Variants in HDAC3 observed in about 807,000 individuals in gnomAD.
HDAC3 encodes the protein SMAP45.
HDAC3 carries 21 observed loss-of-function variants against 62.3 expected under a neutral mutation model. That is an observed-to-expected ratio of 0.34 (90% CI 0.24 to 0.49). The LOEUF (loss-of-function observed/expected upper bound fraction) is 0.49. Among genes scored for constraint, HDAC3 ranks in the 20% least tolerant of loss-of-function variants. The pLI, the probability that HDAC3 is intolerant of heterozygous loss-of-function variation, is 0.99. For missense variants in HDAC3, 270 were observed against 556.9 expected (o/e 0.48, Z 5.19); for synonymous variants, 198 against 206.5 (o/e 0.96, Z 0.35).
At position 141,621,453 on chromosome 5, in the gene HDAC3, C is replaced by T. The variant is rs766069330; in HGVS notation, c.*15G>A. ...TGAAAAGAAATTCCTTGGGACACAG[C>T]ATCCCAAGCCACTCTTAAATCTCCA... On this transcript the variant is annotated 3_prime_UTR_variant, in exon 15 of 15. Coordinates refer to ENST00000305264, the MANE Select transcript of HDAC3 (RefSeq NM_003883.4). The T allele has an allele frequency of 1.2e-6, 2 of 1,610,874 alleles. No homozygotes were observed. The highest frequency in any genetic ancestry group is 1.7e-6 in the Non-Finnish European group (2 of 1,177,040).
chr5:141,621,379 C>G lies in HDAC3; in HGVS notation c.*89G>C. ...GAGTCAGCAAAAGCCCTGGGGTGACCCCCAGGACTCTAGGAGCCACTCCTT... is the reference window on the plus strand; with the variant it reads ...GAGTCAGCAAAAGCCCTGGGGTGACGCCCAGGACTCTAGGAGCCACTCCTT... On this transcript the variant is annotated 3_prime_UTR_variant, in exon 15 of 15. Transcript: ENST00000305264. 8.1e-7 allele frequency: 1 copy of G among 1,227,654 alleles called. No homozygotes were observed. The highest frequency in any genetic ancestry group is 1.2e-6 in the Non-Finnish European group (1 of 830,340). The allele number at this position is 1,227,654 out of a possible 1,614,324, so 76.0% of individuals were successfully genotyped here. A position where few individuals can be genotyped will look rare whatever the true frequency, so the allele number is the denominator to read the frequency against.
chr5:141,623,383 CAG>C (rs1320348646), intron 14 of HDAC3, among the ~76,000 whole-genome samples: 2 of 152,206 alleles, frequency 1.3e-5, no homozygotes, highest in Admixed American at 6.5e-5. Context: ...GGTGGCCTGA[CAG>C]AGAGGTAGGG....
chr5:141,635,274 C>G (rs1165209494), intron 2 of HDAC3: 3 of 231,372 alleles, frequency 1.3e-5, no homozygotes, highest in Non-Finnish European at 2.5e-5. Flanking sequence ...CCCCCAAGCT[C>G]TGATTCTGTC....
chr5:141,634,227 T>G (rs2154598048), intron 3 of HDAC3, among the ~76,000 whole-genome samples: 1 of 152,294 alleles, frequency 6.6e-6, no homozygotes, highest in Non-Finnish European at 1.5e-5. Flanking sequence ...ACTCTACGGG[T>G]AAAAACCCCA....
Position 141,629,650 on chromosome 5 carries a change from C to T in HDAC3, c.476+34G>A, listed in dbSNP as rs768869849. 7 of 1,608,358 alleles carry T rather than the reference C, an allele frequency of 4.4e-6. No individual in the cohort carries two copies. The highest frequency in any genetic ancestry group is 2.2e-5 in the East Asian group (1 of 44,862). ...GAGAGACCTCCTCAGCCAAGAATCC[C>T]GTAACTGCCCCCATCTCCTCCTGGG... On this transcript the variant is annotated intron_variant, in intron 6 of 14. Transcript: ENST00000305264. This position sits in a 1 kb window ranked among gnomAD's most constrained non-coding sequence, Gnocchi z 5.3.
chr5:141,629,025 G>T lies in HDAC3; in HGVS notation c.610+148C>A. 1 of 722,872 alleles carries T rather than the reference G, an allele frequency of 1.4e-6. No homozygotes were observed. Among genetic ancestry groups the T allele is most frequent in the Non-Finnish European group, 2.3e-6 (1 of 433,260 alleles). 44.8% of individuals were successfully genotyped at this position (722,872 alleles called of 1,614,324 possible). ...ATGAGGCTGATGTAACAGAGGAATG[G>T]GGAAGGAGGTGATTATGATAACTGG... On this transcript the variant is annotated intron_variant, in intron 7 of 14. Coordinates refer to ENST00000305264, the MANE Select transcript of HDAC3 (RefSeq NM_003883.4). The surrounding 1 kb of genome is among the most constrained non-coding windows in gnomAD (Gnocchi z 5.3).
chr5:141,629,142 G>A lies in HDAC3; in HGVS notation c.610+31C>T. The A allele has an allele frequency of 1.2e-6, 2 of 1,612,446 alleles. No homozygotes were observed. Among genetic ancestry groups the A allele is most frequent in the Non-Finnish European group, 1.7e-6 (2 of 1,178,896 alleles). On this transcript the variant is annotated intron_variant, in intron 7 of 14. Coordinates refer to ENST00000305264, the MANE Select transcript of HDAC3 (RefSeq NM_003883.4). The surrounding 1 kb of genome is among the most constrained non-coding windows in gnomAD (Gnocchi z 5.3). ...CACTCATAGTAAAGAGCTGAAGGGT[G>A]CAAAGGGGAAAGTAATCCCTATTCC...
rs1271886312 is a variant in HDAC3, at chr5:141,621,298, G to C, written c.*170C>G. ...TACCATTGTCAGGCCTTGGGAGAGA[G>C]AGGAAAAGCAGGTAGATGGTTCGAG... On this transcript the variant is annotated 3_prime_UTR_variant, in exon 15 of 15. Coordinates refer to ENST00000305264, the MANE Select transcript of HDAC3 (RefSeq NM_003883.4). The C allele has an allele frequency of 4.6e-6, 3 of 647,552 alleles. No homozygotes were observed. Among genetic ancestry groups the C allele is most frequent in the African/African-American group, 3.7e-5 (2 of 54,074 alleles). The allele number at this position is 647,552 out of a possible 1,614,324, so 40.1% of individuals were successfully genotyped here. A position where few individuals can be genotyped will look rare whatever the true frequency, so the allele number is the denominator to read the frequency against.
rs2099904370 is a variant in HDAC3, at chr5:141,625,884, C to T, written c.980-120G>A. On this transcript the variant is annotated intron_variant, in intron 12 of 14. Transcript: ENST00000305264. The surrounding 1 kb of genome is among the most constrained non-coding windows in gnomAD (Gnocchi z 4.0). Reference sequence around the variant, plus strand: ...ATAGCTGCCCAATCTCTTCCCTGCTCTGAGCCCAGGGGTTTAGTCTGCAGA... The same window carrying T: ...ATAGCTGCCCAATCTCTTCCCTGCTTTGAGCCCAGGGGTTTAGTCTGCAGA... 2 of 1,301,296 alleles carry T rather than the reference C, an allele frequency of 1.5e-6. No individual in the cohort carries two copies. The highest frequency in any genetic ancestry group is 1.7e-5 in the Admixed American group (1 of 58,502). The allele number at this position is 1,301,296 out of a possible 1,614,324, so 80.6% of individuals were successfully genotyped here.
intron 14 of HDAC3, among the ~76,000 whole-genome samples, chr5:141,623,270 G>A (rs570010638): frequency 5.3e-5 from 8 of 152,248 alleles, no homozygotes; most frequent in Non-Finnish European, 8.8e-5. Context: ...GTAGTGTCTG[G>A]TGCTTGGCAA....
intron 3 of HDAC3, among the ~76,000 whole-genome samples, chr5:141,630,849 C>CTT (rs1174933606): frequency 2.0e-4 from 27 of 135,662 alleles, no homozygotes; most frequent in African/African-American, 2.7e-4. Context: ...ACCTTGATAC[C>CTT]TTTTTTTTTT....
rs537083916 is a variant in HDAC3, at chr5:141,626,493, C to A, written c.831-210G>T. 6 of 558,194 alleles carry A rather than the reference C, an allele frequency of 1.1e-5. No individual in the cohort carries two copies. Among genetic ancestry groups the A allele is most frequent in the East Asian group, 3.2e-5 (1 of 31,324 alleles). 34.6% of individuals were successfully genotyped at this position (558,194 alleles called of 1,614,324 possible). ...AATTTTAAAATAAAGCACAGTCCCC[C>A]CTCTGTTCTGCTCAACACCCTCCCT... On this transcript the variant is annotated intron_variant, in intron 10 of 14. Coordinates refer to ENST00000305264, the MANE Select transcript of HDAC3 (RefSeq NM_003883.4). This position sits in a 1 kb window ranked among gnomAD's most constrained non-coding sequence, Gnocchi z 4.6.
intron 3 of HDAC3, among the ~76,000 whole-genome samples, chr5:141,631,862 A>G (rs1455990035): frequency 6.6e-6 from 1 of 152,204 alleles, no homozygotes; most frequent in African/African-American, 2.4e-5. Flanking sequence ...TACCTAGTAT[A>G]TAACAGGTAT....
In HDAC3 at chr5:141,625,208, C is replaced by A; in HGVS notation, c.1217G>T (p.Arg406Met). 1 of 1,601,598 alleles carries A rather than the reference C, an allele frequency of 6.2e-7. No homozygotes were observed. Among genetic ancestry groups the A allele is most frequent in the Non-Finnish European group, 8.5e-7 (1 of 1,176,580 alleles). The change falls in exon 14 of 15, where the codon AGG (arginine) becomes ATG (methionine). Residue 406 changes from arginine (R) to methionine (M), a missense_variant and splice_region_variant. Coordinates refer to ENST00000305264, the MANE Select transcript of HDAC3 (RefSeq NM_003883.4). This position sits in a 1 kb window ranked among gnomAD's most constrained non-coding sequence, Gnocchi z 4.0. ...EERGPEENYS[R>M]PEAPNEFYDG... is the part of the protein sequence containing the mutation. ...TAGGCTGAAGTCCCTGCTCCCAGAC[C>A]TGCTATAGTTCTCCTCAGGACCCCT...
Position 141,625,093 on chromosome 5 carries a change from A to G in HDAC3, c.1217+115T>C. 1 of 914,310 alleles carries G rather than the reference A, an allele frequency of 1.1e-6. No individual in the cohort carries two copies. The highest frequency in any genetic ancestry group is 1.6e-6 in the Non-Finnish European group (1 of 610,860). 56.6% of individuals were successfully genotyped at this position (914,310 alleles called of 1,614,324 possible). A position where few individuals can be genotyped will look rare whatever the true frequency, so the allele number is the denominator to read the frequency against. Reference sequence around the variant, plus strand: ...AAGAAAAGAGTGAGGAAATTGTAGCAGACTAAAGGAGGTAAGCCAGAGGCA... The same window carrying G: ...AAGAAAAGAGTGAGGAAATTGTAGCGGACTAAAGGAGGTAAGCCAGAGGCA... On this transcript the variant is annotated intron_variant, in intron 14 of 14. Transcript: ENST00000305264. This position sits in a 1 kb window ranked among gnomAD's most constrained non-coding sequence, Gnocchi z 4.0.
At chr5:141,624,129 G>C (rs1238568263) in intron 14 of HDAC3, among the ~76,000 whole-genome samples, 1 of 150,876 alleles carries the variant, frequency 6.6e-6, no homozygotes, top group Admixed American at 6.6e-5. Flanking sequence ...GAGCCTTAGA[G>C]AGTATTACGC....
At position 141,629,067 on chromosome 5, in the gene HDAC3, T is replaced by G; in HGVS notation, c.610+106A>C. On this transcript the variant is annotated intron_variant, in intron 7 of 14. Transcript: ENST00000305264. This position sits in a 1 kb window ranked among gnomAD's most constrained non-coding sequence, Gnocchi z 5.3. ...GATAACTGGAGTGGTAAGGAAAGGC[T>G]TCTCTGAGGAGGGGACACCTGAGAT... 1 of 1,171,310 alleles carries G rather than the reference T, an allele frequency of 8.5e-7. No homozygotes were observed. The highest frequency in any genetic ancestry group is 1.2e-6 in the Non-Finnish European group (1 of 819,586). The allele number at this position is 1,171,310 out of a possible 1,614,324, so 72.6% of individuals were successfully genotyped here.
At chr5:141,635,073 C>T (rs950311468) in intron 2 of HDAC3, 120 bp from the exon 3 acceptor site, 4 of 980,100 alleles carry the variant, frequency 4.1e-6, no homozygotes, top group African/African-American at 3.3e-5. Context: ...TTCCCCTCAT[C>T]CCACAATCCT....
rs1448508709 is a variant in HDAC3 at position 141,628,520 on chromosome 5, A to G, written c.691+39T>C. 1 of 1,518,010 alleles carries G rather than the reference A, an allele frequency of 6.6e-7. No individual in the cohort carries two copies. The highest frequency in any genetic ancestry group is 1.7e-5 in the Admixed American group (1 of 59,602). 94.0% of individuals were successfully genotyped at this position (1,518,010 alleles called of 1,614,324 possible). On this transcript the variant is annotated intron_variant, in intron 8 of 14. Transcript: ENST00000305264. This position sits in a 1 kb window ranked among gnomAD's most constrained non-coding sequence, Gnocchi z 4.7. ...AAGAGGTTATTTCAAGGAGAAAAAG[A>G]AGGGGCCTAGGGAACAGAGGGAAGA...
Sources: allele counts gnomAD v4.1 joint callset (sites outside exome capture counted in the v4.1 genomes callset), GRCh38; gene constraint gnomAD v4.1.1; non-coding constraint Gnocchi (gnomAD v3.1); transcripts MANE v1.5; gene names NCBI Gene and HGNC (gene_info 2026-07-23, HGNC 2026-07-21).